Variants in CHD6 observed in about 807,000 individuals in gnomAD.
CHD6 encodes chromodomain helicase DNA binding protein 6, also known as ATP-dependent chromatin remodeler CHD6.
In CHD6, 50 loss-of-function variants were observed where a neutral mutation model predicts 276.9. The observed-to-expected ratio is 0.18, with a 90% confidence interval of 0.14 to 0.23. The LOEUF is 0.23. CHD6 is among the 10% of genes least tolerant of loss of function. The pLI, the probability that CHD6 is intolerant of heterozygous loss-of-function variation, is 1.00. For synonymous variants in CHD6, 1,173 were observed against 1,229.3 expected, an observed-to-expected ratio of 0.95 and a Z score of 0.96; for missense variants, 2,564 against 3,365.8, an observed-to-expected ratio of 0.76 and a Z score of 5.89.
At chr20:41,426,577 T>C (rs1569065949) in intron 27 of CHD6, among the ~76,000 whole-genome samples, 2 of 152,220 alleles carry the variant, frequency 1.3e-5, no homozygotes, top group Non-Finnish European at 2.9e-5. Context: ...TGAAAAAGTG[T>C]CATGCTCATG....
intron 3 of CHD6, among the ~76,000 whole-genome samples, chr20:41,522,123 T>C (rs2044414408): frequency 6.6e-6 from 1 of 152,100 alleles, no homozygotes; most frequent in African/African-American, 2.4e-5. Flanking sequence ...GGAGGATGGC[T>C]TGAGGTCAGA....
At chr20:41,508,166 C>T (rs569691314) in intron 5 of CHD6, among the ~76,000 whole-genome samples, 2 of 151,896 alleles carry the variant, frequency 1.3e-5, no homozygotes, top group African/African-American at 4.8e-5. Context: ...AAGAGGACAG[C>T]AAAGAGAAAG....
intron 1 of CHD6, among the ~76,000 whole-genome samples, chr20:41,605,361 CAA>C (rs2045817348): frequency 6.6e-6 from 1 of 152,084 alleles, no homozygotes; most frequent in African/African-American, 2.4e-5. Flanking sequence ...GAATGGAGAA[CAA>C]AGAGTTGACT....
At chr20:41,507,119 A>G (rs147838075) in intron 5 of CHD6, among the ~76,000 whole-genome samples, 1 of 152,186 alleles carries the variant, frequency 6.6e-6, no homozygotes, top group South Asian at 2.1e-4. Flanking sequence ...ATGTACATAC[A>G]CTCAAAGGAA....
chr20:41,425,777 C>A (rs1467194138), intron 28 of CHD6, among the ~76,000 whole-genome samples: 1 of 151,474 alleles, frequency 6.6e-6, no homozygotes, highest in African/African-American at 2.4e-5. Context: ...CCAACCCCCA[C>A]AACCTTTCTT....
chr20:41,610,998 T>A (rs2045881838), intron 1 of CHD6, among the ~76,000 whole-genome samples: 1 of 152,192 alleles, frequency 6.6e-6, no homozygotes, highest in Non-Finnish European at 1.5e-5. Flanking sequence ...TCATGCATGT[T>A]AGTAATAGAC....
intron 35 of CHD6, among the ~76,000 whole-genome samples, chr20:41,412,692 A>C (rs1199164241): frequency 6.6e-6 from 1 of 152,200 alleles, no homozygotes; most frequent in Non-Finnish European, 1.5e-5. Context: ...CTTATTAGTT[A>C]GGCGCACCCA....
rs2903374 is a variant in CHD6 at position 41,552,227 on chromosome 20, C to T, written c.-23-867G>A. On this transcript the variant is annotated intron_variant, in intron 1 of 36. Transcript: ENST00000373233. The stretch of plus-strand genomic sequence containing the variant: ...AGAATCTCAGGCTTCTAGTTCTAGC[C>T]GGAATATAAACACTGCTTCCTATTT... Among the ~76,000 whole-genome samples the T allele has an allele frequency of 2.1e-3, 327 of 152,282 alleles. 9 individuals are homozygous for T. The East Asian group carries it at 0.051, about 24-fold the overall frequency.
rs1423830834 is a variant in CHD6, at chr20:41,484,477, T to C, written c.2132A>G (p.Tyr711Cys). Residue 711 changes from tyrosine (Y) to cysteine (C), a missense_variant, in exon 15 of 37, where the codon TAC becomes TGC. Around this residue, in one of 7 missense-constraint regions of CHD6, gnomAD observed 457 missense variants for 889.0 expected, o/e 0.51. Transcript: ENST00000373233. ...VELTNIQKKYYRAILEKNFSF... is the reference protein window; with the variant it reads ...VELTNIQKKYCRAILEKNFSF... ...AAAGTTCTTCTCGAGGATGGCACGG[T>C]AGTACTTTTTCTGGATATTGGTCAG... The C allele has an allele frequency of 6.2e-7, 1 of 1,613,916 alleles. No homozygotes were observed. Among genetic ancestry groups the C allele is most frequent in the Non-Finnish European group, 8.5e-7 (1 of 1,179,866 alleles).
rs557631603 is a variant in CHD6, at chr20:41,403,619, A to C, written c.*974T>G. The C allele has an allele frequency of 9.4e-7, 1 of 1,062,166 alleles. No homozygotes were observed. The highest frequency in any genetic ancestry group is 5.1e-5 in the East Asian group (1 of 19,650). The allele number at this position is 1,062,166 out of a possible 1,614,324, so 65.8% of individuals were successfully genotyped here. A position where few individuals can be genotyped will look rare whatever the true frequency, so the allele number is the denominator to read the frequency against. ...CAAAGGACCTACTAGCAAGTGTCAA[A>C]GTGTTGGGCAACTGTCTTCTTGCAG... On this transcript the variant is annotated 3_prime_UTR_variant, in exon 37 of 37. Transcript: ENST00000373233.
chr20:41,604,366 G>A (rs572589687), intron 1 of CHD6, among the ~76,000 whole-genome samples: 1 of 152,162 alleles, frequency 6.6e-6, no homozygotes, highest in South Asian at 2.1e-4. Flanking sequence ...ATATGACTGA[G>A]GAATAGTTAA....
intron 33 of CHD6, among the ~76,000 whole-genome samples, chr20:41,416,212 T>C (rs1215887603): frequency 3.9e-5 from 6 of 152,198 alleles, no homozygotes; most frequent in Admixed American, 1.3e-4. Context: ...CCATTCATGC[T>C]TCCCTTTCCT....
chr20:41,472,599 A>T (rs1054850508), intron 17 of CHD6, among the ~76,000 whole-genome samples: 7 of 152,226 alleles, frequency 4.6e-5, no homozygotes, highest in African/African-American at 1.7e-4. Context: ...GACAAGTTAG[A>T]ATCTTTTTGG....
rs2046588949 is a variant in CHD6 at position 41,403,622 on chromosome 20, G to A, written c.*971C>T. 6 of 1,062,048 alleles carry A rather than the reference G, an allele frequency of 5.6e-6. No homozygotes were observed. The South Asian group carries it at 2.7e-4, about 48-fold the overall frequency. The allele number at this position is 1,062,048 out of a possible 1,614,324, so 65.8% of individuals were successfully genotyped here. ...AGGACCTACTAGCAAGTGTCAAAGT[G>A]TTGGGCAACTGTCTTCTTGCAGGCT... is the stretch of plus-strand genomic sequence containing the variant. On this transcript the variant is annotated 3_prime_UTR_variant, in exon 37 of 37. Coordinates refer to ENST00000373233, the MANE Select transcript of CHD6 (RefSeq NM_032221.5).
intron 1 of CHD6, among the ~76,000 whole-genome samples, chr20:41,612,318 T>C (rs1568733867): frequency 6.6e-6 from 1 of 152,226 alleles, no homozygotes; most frequent in African/African-American, 2.4e-5. Flanking sequence ...AGCTGGTCAT[T>C]AATGACCTCT....
At chr20:41,569,286 A>T (rs2045391366) in intron 1 of CHD6, among the ~76,000 whole-genome samples, 1 of 152,226 alleles carries the variant, frequency 6.6e-6, no homozygotes, top group Non-Finnish European at 1.5e-5. Context: ...ACTTTAGGCC[A>T]ACTTAAGCCC....
rs183312035 is a variant in CHD6 at position 41,438,446 on chromosome 20, C to T, written c.4008-1112G>A. Among the ~76,000 whole-genome samples, 416 of 151,934 alleles carry T rather than the reference C, an allele frequency of 2.7e-3. 2 individuals carry two copies. The highest frequency in any genetic ancestry group is 0.024 in the Middle Eastern group (7 of 294). ...CTCTACTAAAAATACAAAAATTAGC[C>T]AGGCGTGGTGGTGGGTGCCTGTAAT... On this transcript the variant is annotated intron_variant, in intron 26 of 36. Transcript: ENST00000373233.
At chr20:41,502,297 T>C (rs1159049699) in intron 5 of CHD6, among the ~76,000 whole-genome samples, 2 of 152,234 alleles carry the variant, frequency 1.3e-5, no homozygotes, top group East Asian at 3.8e-4. Context: ...TAAACCAATA[T>C]ATCTAAATTA....
chr20:41,440,850 C>T (rs895226211), intron 25 of CHD6, among the ~76,000 whole-genome samples: 1 of 152,226 alleles, frequency 6.6e-6, no homozygotes, highest in Admixed American at 6.5e-5. Flanking sequence ...GCAGAGTCCC[C>T]ATCAGAGGAG....
Sources: allele counts gnomAD v4.1 joint callset (sites outside exome capture counted in the v4.1 genomes callset), GRCh38; gene constraint gnomAD v4.1.1; regional missense constraint gnomAD v4.1.1; transcripts MANE v1.5; gene names NCBI Gene and HGNC (gene_info 2026-07-23, HGNC 2026-07-21).